The following PPFIA1 variants were observed in gnomAD, a reference collection of about 807,000 sequenced individuals.
PPFIA1 encodes liprin-alpha-1.
A neutral mutation model predicts 149.9 loss-of-function variants in PPFIA1; 25 were observed. That is an observed-to-expected ratio of 0.17 (90% CI 0.12 to 0.23). PPFIA1 has a LOEUF of 0.23. Ranked by LOEUF, PPFIA1 falls within the 10% of genes least tolerant of loss-of-function variation. The probability of loss-of-function intolerance (pLI) is 1.00; values close to 1 mark genes in which losing one functional copy is unlikely to be tolerated. For missense variants in PPFIA1, 1,362 were observed against 1,506.5 expected (o/e 0.90, Z 1.59); for synonymous variants, 549 against 552.8 (o/e 0.99, Z 0.10).
chr11:70,273,043 T>A (rs2050183950), intron 2 of PPFIA1, among the ~76,000 whole-genome samples: 1 of 152,202 alleles, frequency 6.6e-6, no homozygotes, highest in South Asian at 2.1e-4. Flanking sequence ...TCTGGGAGGC[T>A]GAGGCAGGCG....
chr11:70,361,253 G>T (rs12273841), intron 19 of PPFIA1, among the ~76,000 whole-genome samples: 1 of 152,088 alleles, frequency 6.6e-6, no homozygotes, highest in East Asian at 1.9e-4. Flanking sequence ...TGGGGGATTG[G>T]TTCCAGGACC....
Position 70,274,067 on chromosome 11 carries a change from A to G in PPFIA1, c.264+1631A>G, listed in dbSNP as rs79296125. On this transcript the variant is annotated intron_variant, in intron 2 of 27. Coordinates refer to ENST00000253925, the MANE Select transcript of PPFIA1 (RefSeq NM_003626.5). ...GGGAATGCCTAGTTCAGTGGATAAC[A>G]TGATGATGCCAACGGTTCACGTTAC... Among the ~76,000 whole-genome samples the G allele has an allele frequency of 3.8e-3, 575 of 152,304 alleles. 7 individuals carry two copies. The highest frequency in any genetic ancestry group is 0.013 in the African/African-American group (548 of 41,566).
intron 25 of PPFIA1, 49 bp downstream of exon 25, chr11:70,376,649 G>A (rs751832148): frequency 7.1e-7 from 1 of 1,399,872 alleles, no homozygotes; most frequent in South Asian, 1.2e-5. Flanking sequence ...GTGTGTAAAT[G>A]TTTAAATGTG....
chr11:70,315,760 T>G (rs1192204475), intron 2 of PPFIA1, among the ~76,000 whole-genome samples: 6 of 148,762 alleles, frequency 4.0e-5, no homozygotes, highest in African/African-American at 1.5e-4. Flanking sequence ...AAGCACCCAG[T>G]TCACGGCATT....
intron 2 of PPFIA1, among the ~76,000 whole-genome samples, chr11:70,281,447 C>A (rs1255671922): frequency 1.3e-5 from 2 of 152,180 alleles, no homozygotes; most frequent in Non-Finnish European, 2.9e-5. Flanking sequence ...CTTGGCGTGT[C>A]CTGGAGCCCA....
chr11:70,286,306 C>G (rs1303266765), intron 2 of PPFIA1, among the ~76,000 whole-genome samples: 2 of 152,234 alleles, frequency 1.3e-5, no homozygotes, highest in African/African-American at 4.8e-5. Context: ...GGCTGGAGTA[C>G]AAGGGCACAA....
In PPFIA1 at chr11:70,332,026, C is replaced by T. The variant is rs754774570; in HGVS notation, c.1144C>T (p.Leu382=). ...ELAEQKLQQT[L]RKAETLPEVE... ...GGCAGAGCAAAAGCTGCAACAGACACTGAGGAAGGCAGAGACGCTCCCGGA... is the reference window on the plus strand; with the variant it reads ...GGCAGAGCAAAAGCTGCAACAGACATTGAGGAAGGCAGAGACGCTCCCGGA... The change falls in exon 9 of 28, where the codon CTG becomes TTG. Residue 382 remains leucine, a synonymous_variant. Coordinates refer to ENST00000253925, the MANE Select transcript of PPFIA1 (RefSeq NM_003626.5). 5.0e-6 allele frequency: 8 copies of T among 1,613,294 alleles called. No individual in the cohort carries two copies. Among genetic ancestry groups the T allele is most frequent in the Non-Finnish European group, 5.1e-6 (6 of 1,179,610 alleles).
intron 24 of PPFIA1, among the ~76,000 whole-genome samples, chr11:70,375,771 CAG>C (rs2057463672): frequency 6.9e-6 from 1 of 144,368 alleles, no homozygotes; most frequent in African/African-American, 2.6e-5. Flanking sequence ...GCCTGAGTGA[CAG>C]AGTGAGACCC....
chr11:70,354,528 T>C (rs1223402854), intron 17 of PPFIA1, 76 bp downstream of exon 17: 2 of 1,448,680 alleles, frequency 1.4e-6, no homozygotes, highest in Admixed American at 2.5e-5. Context: ...GACAAATCTT[T>C]CCTTGAGTAA....
In PPFIA1 at chr11:70,376,591, G is replaced by T. The variant is rs774054292; in HGVS notation, c.3375G>T (p.Arg1125Ser). ...TTTTGGTCATGGGGACTGATAGAAG[G>T]TTTGATGAAGTAAGTTTTTGGCCTA... ...NNLLVMGTDRRFDEDDDKSFR... is the reference protein window; with the variant it reads ...NNLLVMGTDRSFDEDDDKSFR... The change falls in exon 25 of 28, where the codon AGG becomes AGT. Residue 1125 changes from arginine (R) to serine (S), a missense_variant. Arg to Ser is a moderately radical substitution (Grantham distance 110, BLOSUM62 -1). Transcript: ENST00000253925. 1 of 1,612,382 alleles carries T rather than the reference G, an allele frequency of 6.2e-7. No individual in the cohort carries two copies. The highest frequency in any genetic ancestry group is 1.3e-5 in the African/African-American group (1 of 74,916).
chr11:70,362,077 A>G lies in PPFIA1; in HGVS notation c.2583-18A>G, dbSNP rs1484518276. 5.0e-6 allele frequency: 8 copies of G among 1,611,894 alleles called. No individual in the cohort carries two copies. The highest frequency in any genetic ancestry group is 1.1e-5 in the South Asian group (1 of 91,042). On this transcript the variant is annotated intron_variant, in intron 19 of 27. Coordinates refer to ENST00000253925, the MANE Select transcript of PPFIA1 (RefSeq NM_003626.5). The stretch of plus-strand genomic sequence containing the variant: ...TGCCTGGCTGATTCTTTAATTTTCA[A>G]TATCTTCTCCTTTATAGGCATGAAT...
chr11:70,289,728 C>G (rs1476420677), intron 2 of PPFIA1, among the ~76,000 whole-genome samples: 1 of 152,154 alleles, frequency 6.6e-6, no homozygotes, highest in East Asian at 1.9e-4. Context: ...GCCACCACGC[C>G]CCAGCTTTTT....
intron 2 of PPFIA1, among the ~76,000 whole-genome samples, chr11:70,293,347 A>G (rs2051667284): frequency 6.6e-6 from 1 of 152,216 alleles, no homozygotes; most frequent in African/African-American, 2.4e-5. Context: ...CTTCATAGCA[A>G]GTGTGTGACA....
Position 70,372,282 on chromosome 11 carries a change from C to T in PPFIA1, c.2933C>T (p.Pro978Leu), listed in dbSNP as rs1362132616. The T allele has an allele frequency of 6.2e-7, 1 of 1,614,216 alleles. No individual in the cohort carries two copies. The highest frequency in any genetic ancestry group is 1.1e-5 in the South Asian group (1 of 91,082). The change falls in exon 22 of 28, where the codon CCC becomes CTC. Residue 978 changes from proline to leucine, a missense_variant. Physicochemically the swap from Pro to Leu is moderately conservative, Grantham distance 98. Around this residue, in one of 7 missense-constraint regions of PPFIA1, gnomAD observed 349 missense variants for 373.3 expected, o/e 0.93. Coordinates refer to ENST00000253925, the MANE Select transcript of PPFIA1 (RefSeq NM_003626.5). ...GNEWLPSLGL[P>L]QYRSYFMECL... ...GAGTGGCTCCCCAGCCTGGGCCTCC[C>T]CCAGTACCGCAGCTACTTCATGGAG...
At chr11:70,353,091 G>C (rs1044153009) in intron 16 of PPFIA1, among the ~76,000 whole-genome samples, 11 of 152,196 alleles carry the variant, frequency 7.2e-5, no homozygotes, top group Non-Finnish European at 1.3e-4. Flanking sequence ...CATTTTAACT[G>C]TTAGTTGAGA....
chr11:70,364,468 TC>T (rs2056816978), intron 21 of PPFIA1: 1 of 152,200 alleles, frequency 6.6e-6, no homozygotes, highest in Non-Finnish European at 1.5e-5. Context: ...GAAAACAAAT[TC>T]TTGTTGCAAT....
intron 21 of PPFIA1, chr11:70,365,133 C>A (rs2056851732): frequency 5.1e-6 from 1 of 195,052 alleles, no homozygotes; most frequent in Non-Finnish European, 1.1e-5. Flanking sequence ...ATTTCACATA[C>A]CTCGGGTAAG....
intron 18 of PPFIA1, among the ~76,000 whole-genome samples, 162 bp downstream of exon 18, chr11:70,355,973 T>G (rs1199648556): frequency 6.6e-6 from 1 of 152,258 alleles, no homozygotes; most frequent in African/African-American, 2.4e-5. Context: ...TTATGCTCAC[T>G]TGCCACTCAG....
intron 15 of PPFIA1, among the ~76,000 whole-genome samples, chr11:70,344,104 G>A (rs539800512): frequency 2.6e-5 from 4 of 152,290 alleles, no homozygotes; most frequent in South Asian, 2.1e-4. Context: ...CCACAGTTAC[G>A]GCACTAGTAC....
Sources: allele counts gnomAD v4.1 joint callset (sites outside exome capture counted in the v4.1 genomes callset), GRCh38; gene constraint gnomAD v4.1.1; regional missense constraint gnomAD v4.1.1; transcripts MANE v1.5; gene names NCBI Gene and HGNC (gene_info 2026-07-23, HGNC 2026-07-21).